PRRT1B: variants seen among roughly 807,000 people sequenced by gnomAD.
The protein encoded by PRRT1B is dispanin subfamily D member 2.
exon 3 of PRRT1B, chr9:131,556,192 C>T (rs560527295): frequency 4.7e-5 from 19 of 401,134 alleles, no homozygotes; most frequent in African/African-American, 3.5e-4. Flanking sequence ...CCGGTCTCAT[C>T]GCCATCGTCT....
intron 3 of PRRT1B, among the ~76,000 whole-genome samples, chr9:131,556,609 TATCC>T (rs1171099416): frequency 6.6e-6 from 1 of 151,952 alleles, no homozygotes; most frequent in African/African-American, 2.4e-5. Flanking sequence ...CCCACCCATT[TATCC>T]ATCCACCCAC....
At chr9:131,547,792 T>C (rs934850410) in intron 1 of PRRT1B, among the ~76,000 whole-genome samples, 19 of 152,202 alleles carry the variant, frequency 1.2e-4, no homozygotes, top group African/African-American at 4.1e-4. Flanking sequence ...CTTTACTCTC[T>C]TCTCCAACCT....
At chr9:131,555,513 T>C (rs997327795) in intron 2 of PRRT1B, among the ~76,000 whole-genome samples, 1 of 151,778 alleles carries the variant, frequency 6.6e-6, no homozygotes, top group Admixed American at 6.6e-5. Flanking sequence ...TCATCTCTAC[T>C]AAACGTAAAA....
chr9:131,546,821 G>A (rs376103923), intron 1 of PRRT1B, among the ~76,000 whole-genome samples: 2 of 152,258 alleles, frequency 1.3e-5, no homozygotes, highest in South Asian at 2.1e-4. Context: ...CCGCGCCATC[G>A]GGCCAGATAT....
intron 1 of PRRT1B, among the ~76,000 whole-genome samples, chr9:131,547,589 G>T (rs760048537): frequency 7.2e-5 from 11 of 152,198 alleles, no homozygotes; most frequent in Non-Finnish European, 1.2e-4. Flanking sequence ...CACAAAGCCT[G>T]TTTGGTGGTC....
chr9:131,545,814 G>A (rs1172166887), intron 1 of PRRT1B, among the ~76,000 whole-genome samples, 174 bp downstream of exon 1: 2 of 149,306 alleles, frequency 1.3e-5, no homozygotes, highest in African/African-American at 5.0e-5. Flanking sequence ...CCAGAGGGTC[G>A]GCTGCTGGAG....
chr9:131,552,413 C>T (rs1483767560), intron 1 of PRRT1B, among the ~76,000 whole-genome samples: 1 of 152,218 alleles, frequency 6.6e-6, no homozygotes, highest in Non-Finnish European at 1.5e-5. Context: ...GCATTGGTCA[C>T]TGTATGGCGA....
rs73660025 is a variant in PRRT1B, at chr9:131,558,256, C to T, written c.*54C>T. The stretch of plus-strand genomic sequence containing the variant: ...GCCGGAATGTCCACGGAAAACTGGC[C>T]GGGCCAGACCCTTTCTCTGGACTCA... On this transcript the variant is annotated 3_prime_UTR_variant, in exon 4 of 4. Transcript: ENST00000636672. The T allele has an allele frequency of 1.7e-4, 69 of 400,728 alleles. No homozygotes were observed. The South Asian group carries it at 4.7e-3, about 27-fold the overall frequency. 24.8% of individuals were successfully genotyped at this position (400,728 alleles called of 1,614,324 possible). A position where few individuals can be genotyped will look rare whatever the true frequency, so the allele number is the denominator to read the frequency against.
At chr9:131,557,761 CCTTTGTTT>C (rs1229566918) in intron 3 of PRRT1B, among the ~76,000 whole-genome samples, 1 of 152,204 alleles carries the variant, frequency 6.6e-6, no homozygotes, top group South Asian at 2.1e-4. Context: ...CTTCTCTGAG[CCTTTGTTT>C]CCATATCTGC....
rs80265051 is a variant in PRRT1B, at chr9:131,551,929, A to G, written c.26-2628A>G. Among the ~76,000 whole-genome samples, 15,530 of 152,084 alleles carry G rather than the reference A, an allele frequency of 0.1. 1,097 individuals are homozygous for G. The highest frequency in any genetic ancestry group is 0.18 in the African/African-American group (7,465 of 41,450). On this transcript the variant is annotated intron_variant, in intron 1 of 3. Transcript: ENST00000636672. The surrounding 1 kb of genome is among the most constrained non-coding windows in gnomAD (Gnocchi z 4.4). ...TGTTTGGTGGTCTCTTCACACGGAC[A>G]CGAGTGAAACCCGCCACCACACCTG...
chr9:131,552,029 C>A (rs144962757), intron 1 of PRRT1B, among the ~76,000 whole-genome samples: 1 of 152,102 alleles, frequency 6.6e-6, no homozygotes, highest in Non-Finnish European at 1.5e-5. Context: ...CTGACCTCAA[C>A]TGACCCACCC....
chr9:131,559,233 A>C (rs1214041669), downstream of PRRT1B, among the ~76,000 whole-genome samples: 1 of 151,100 alleles, frequency 6.6e-6, no homozygotes, highest in Non-Finnish European at 1.5e-5. Context: ...CACCTGAGTC[A>C]GGAGTTCAAG....
intron 1 of PRRT1B, among the ~76,000 whole-genome samples, chr9:131,548,472 A>G (rs895530713): frequency 3.9e-5 from 6 of 152,272 alleles, no homozygotes; most frequent in African/African-American, 1.4e-4. Context: ...TAGCCAGAAC[A>G]CGGCACTTTC....
At chr9:131,550,716 C>T (rs1246092363) in intron 1 of PRRT1B, among the ~76,000 whole-genome samples, 3 of 152,098 alleles carry the variant, frequency 2.0e-5, no homozygotes, top group Admixed American at 6.6e-5. Flanking sequence ...CTCATGTCTG[C>T]GTGCAGCAGC....
At chr9:131,546,779 C>T (rs935165190) in intron 1 of PRRT1B, among the ~76,000 whole-genome samples, 7 of 152,182 alleles carry the variant, frequency 4.6e-5, no homozygotes, top group African/African-American at 1.7e-4. Context: ...GGCAGCGCCG[C>T]CAGCAGATTT....
intron 2 of PRRT1B, among the ~76,000 whole-genome samples, chr9:131,555,546 C>T (rs900327464): frequency 2.0e-5 from 3 of 152,000 alleles, no homozygotes; most frequent in Non-Finnish European, 2.9e-5. Context: ...CATGGTAGTG[C>T]GCGCCTGTAG....
chr9:131,548,932 C>G (rs1950992613), intron 1 of PRRT1B, among the ~76,000 whole-genome samples: 1 of 152,156 alleles, frequency 6.6e-6, no homozygotes, highest in Non-Finnish European at 1.5e-5. Context: ...GCTCCCTTTT[C>G]TTTATCCGAC....
intron 3 of PRRT1B, among the ~76,000 whole-genome samples, chr9:131,557,327 T>G (rs554007264): frequency 4.6e-5 from 7 of 152,140 alleles, no homozygotes; most frequent in Non-Finnish European, 8.8e-5. Context: ...TCACCTGAGG[T>G]CAGGAGTTCG....
At chr9:131,555,342 A>G (rs939404243) in intron 2 of PRRT1B, among the ~76,000 whole-genome samples, 34 of 152,176 alleles carry the variant, frequency 2.2e-4, no homozygotes, top group Non-Finnish European at 4.1e-4. Flanking sequence ...GAGGGACCCC[A>G]GAAACTTTGG....
Sources: allele counts gnomAD v4.1 joint callset (sites outside exome capture counted in the v4.1 genomes callset), GRCh38; gene constraint gnomAD v4.1.1; non-coding constraint Gnocchi (gnomAD v3.1); transcripts MANE v1.5; gene names NCBI Gene and HGNC (gene_info 2026-07-23, HGNC 2026-07-21).